Variants in SETBP1 observed in about 807,000 individuals in gnomAD.
SETBP1 encodes the protein SET-binding protein.
In SETBP1, 9 loss-of-function variants were observed where a neutral mutation model predicts 101.0. The observed-to-expected ratio is 0.09, with a 90% CI of 0.05 to 0.16. The LOEUF (loss-of-function observed/expected upper bound fraction) is 0.16, where lower values mean the gene tolerates loss of function less well. Ranked by LOEUF, SETBP1 falls within the 10% of genes least tolerant of loss-of-function variation. The probability of loss-of-function intolerance (pLI) is 1.00; values close to 1 mark genes in which losing one functional copy is unlikely to be tolerated. For missense variants in SETBP1, 1,858 were observed against 2,033.8 expected (o/e 0.91, Z 1.66); for synonymous variants, 818 against 788.5 (o/e 1.04, Z -0.63).
At chr18:45,036,239 A>G (rs2073394031) in intron 4 of SETBP1, among the ~76,000 whole-genome samples, 1 of 151,712 alleles carries the variant, frequency 6.6e-6, no homozygotes. Flanking sequence ...AGGCTGAGGC[A>G]GGAGAATCGC....
At chr18:44,690,087 A>C (rs184894790) in intron 1 of SETBP1, among the ~76,000 whole-genome samples, 137 of 152,372 alleles carry the variant, frequency 9.0e-4, no homozygotes, top group African/African-American at 3.2e-3. Flanking sequence ...TCTTTAGAAC[A>C]AGAAATGAAA....
At chr18:44,711,147 C>T (rs2069330865) in intron 2 of SETBP1, among the ~76,000 whole-genome samples, 1 of 152,134 alleles carries the variant, frequency 6.6e-6, no homozygotes, top group African/African-American at 2.4e-5. Flanking sequence ...CACCCAGAGC[C>T]CTATATTGCA....
chr18:44,801,776 T>A (rs1175792537), intron 2 of SETBP1, among the ~76,000 whole-genome samples: 1 of 152,128 alleles, frequency 6.6e-6, no homozygotes, highest in Non-Finnish European at 1.5e-5. Context: ...GACTTTTTTT[T>A]TTTTTTTGTA....
At chr18:44,868,916 A>C (rs1273518708) in intron 2 of SETBP1, among the ~76,000 whole-genome samples, 1 of 152,202 alleles carries the variant, frequency 6.6e-6, no homozygotes, top group African/African-American at 2.4e-5. Flanking sequence ...TTACAATTTC[A>C]GGGAGCCATG....
rs2069110455 is a variant in SETBP1, at chr18:44,701,269, T to C, written c.-78T>C. On this transcript the variant is annotated 5_prime_UTR_variant, in exon 2 of 6. Coordinates refer to ENST00000649279, the MANE Select transcript of SETBP1 (RefSeq NM_015559.3). Reference sequence around the variant, plus strand: ...ACCACTTTGTTCTTGGAATTTTGGGTGTCCTCTTTTCTCACCTTTCCCTTT... The same window carrying C: ...ACCACTTTGTTCTTGGAATTTTGGGCGTCCTCTTTTCTCACCTTTCCCTTT... The C allele has an allele frequency of 1.4e-6, 2 of 1,434,168 alleles. No homozygotes were observed. The highest frequency in any genetic ancestry group is 9.2e-7 in the Non-Finnish European group (1 of 1,086,902). 88.8% of individuals were successfully genotyped at this position (1,434,168 alleles called of 1,614,324 possible). A position where few individuals can be genotyped will look rare whatever the true frequency, so the allele number is the denominator to read the frequency against.
chr18:44,821,178 T>A (rs2072107175), intron 2 of SETBP1, among the ~76,000 whole-genome samples: 1 of 152,208 alleles, frequency 6.6e-6, no homozygotes, highest in African/African-American at 2.4e-5. Context: ...CCACTGTTGT[T>A]TTCATACGTG....
chr18:44,685,547 T>A (rs1435611075), intron 1 of SETBP1, among the ~76,000 whole-genome samples: 4 of 152,204 alleles, frequency 2.6e-5, no homozygotes, highest in African/African-American at 4.8e-5. Flanking sequence ...CGTGTCCCTG[T>A]ACTTCCCAGT....
chr18:44,822,902 G>A (rs1355543302), intron 2 of SETBP1, among the ~76,000 whole-genome samples: 3 of 152,206 alleles, frequency 2.0e-5, no homozygotes, highest in South Asian at 2.1e-4. Context: ...CTGTACTTTG[G>A]GAGGCCGAGG....
chr18:45,012,343 G>A (rs780774738), intron 4 of SETBP1, among the ~76,000 whole-genome samples: 9 of 152,092 alleles, frequency 5.9e-5, no homozygotes, highest in East Asian at 1.9e-4. Flanking sequence ...GGCAGATTTC[G>A]GATTGGCTAG....
At chr18:44,898,887 T>A (rs1032503198) in intron 3 of SETBP1, among the ~76,000 whole-genome samples, 2 of 152,226 alleles carry the variant, frequency 1.3e-5, no homozygotes, top group Non-Finnish European at 2.9e-5. Context: ...TAACATGAGA[T>A]GCTGCATTCT....
chr18:44,980,113 C>T (rs2072079421), intron 4 of SETBP1, among the ~76,000 whole-genome samples: 2 of 151,926 alleles, frequency 1.3e-5, no homozygotes, highest in Non-Finnish European at 2.9e-5. Context: ...AAGCCAGGAG[C>T]CTATAATATG....
At chr18:44,694,611 A>G (rs922344025) in intron 1 of SETBP1, among the ~76,000 whole-genome samples, 1 of 152,222 alleles carries the variant, frequency 6.6e-6, no homozygotes, top group Non-Finnish European at 1.5e-5. Flanking sequence ...GCTTCATTGC[A>G]TCCCTGGTTA....
At chr18:44,966,359 C>T (rs192236922) in intron 4 of SETBP1, among the ~76,000 whole-genome samples, 4 of 152,278 alleles carry the variant, frequency 2.6e-5, no homozygotes, top group Admixed American at 6.5e-5. Flanking sequence ...AATCACCACA[C>T]GGCTTCTTCA....
At chr18:44,963,663 C>T (rs899145399) in intron 4 of SETBP1, among the ~76,000 whole-genome samples, 14 of 151,602 alleles carry the variant, frequency 9.2e-5, no homozygotes, top group African/African-American at 1.7e-4. Flanking sequence ...CCAAAGCAGG[C>T]GAATTGCCTG....
chr18:44,847,575 C>T (rs371580462), intron 2 of SETBP1, among the ~76,000 whole-genome samples: 26 of 152,296 alleles, frequency 1.7e-4, no homozygotes, highest in African/African-American at 5.8e-4. Context: ...TGTAGAGACA[C>T]GCATGCATTG....
intron 2 of SETBP1, among the ~76,000 whole-genome samples, chr18:44,771,819 G>T (rs565773750): frequency 2.6e-5 from 4 of 152,320 alleles, no homozygotes; most frequent in Non-Finnish European, 5.9e-5. Context: ...ACAGAGGCTG[G>T]CTGGGAAGGG....
chr18:44,839,149 C>T (rs2072559898), intron 2 of SETBP1, among the ~76,000 whole-genome samples: 1 of 151,960 alleles, frequency 6.6e-6, no homozygotes, highest in African/African-American at 2.4e-5. Context: ...AGATGAGAGA[C>T]CTGGGAAGCA....
At chr18:45,040,118 G>A (rs1257803685) in intron 5 of SETBP1, among the ~76,000 whole-genome samples, 1 of 152,130 alleles carries the variant, frequency 6.6e-6, no homozygotes, top group Non-Finnish European at 1.5e-5. Flanking sequence ...CTTGGAAATG[G>A]TGTTCTCTCC....
chr18:44,902,412 A>C (rs2070071648), intron 3 of SETBP1, among the ~76,000 whole-genome samples: 1 of 132,042 alleles, frequency 7.6e-6, no homozygotes, highest in African/African-American at 2.8e-5. Context: ...TCCCAGCTAA[A>C]TTGGGTTGGG....
Sources: gnomAD v4.1 joint callset for allele counts (sites outside exome capture counted in the v4.1 genomes callset) on GRCh38, gnomAD v4.1.1 for gene constraint, MANE v1.5 for transcripts, NCBI Gene and HGNC (gene_info 2026-07-23, HGNC 2026-07-21) for gene names.